MEGF10: variants seen among roughly 807,000 people sequenced by gnomAD.
MEGF10 encodes multiple EGF like domains 10, also known as multiple epidermal growth factor-like domains protein 10.
A neutral mutation model predicts 147.5 loss-of-function variants in MEGF10; 86 were observed. That is an observed-to-expected ratio of 0.58 (90% confidence interval 0.49 to 0.70). The LOEUF (loss-of-function observed/expected upper bound fraction) is 0.70. Among genes scored for constraint, MEGF10 ranks in the 30% least tolerant of loss-of-function variants. The probability of loss-of-function intolerance (pLI) is 0.00; values close to 1 mark genes in which losing one functional copy is unlikely to be tolerated. For missense variants in MEGF10, 1,329 were observed against 1,487.3 expected (o/e 0.89, Z 1.75); for synonymous variants, 478 against 525.5 (o/e 0.91, Z 1.24).
At chr5:127,425,877 A>G (rs1765193584) in intron 13 of MEGF10, among the ~76,000 whole-genome samples, 1 of 152,190 alleles carries the variant, frequency 6.6e-6, no homozygotes, top group South Asian at 2.1e-4. Flanking sequence ...GCTGTAGGTG[A>G]AATATTAAGT....
At chr5:127,326,312 G>T (rs1761030307) in intron 1 of MEGF10, among the ~76,000 whole-genome samples, 3 of 152,084 alleles carry the variant, frequency 2.0e-5, no homozygotes, top group Admixed American at 2.0e-4. Context: ...TATGCTTGTT[G>T]TGGGTTTGAT....
At chr5:127,410,163 A>C (rs976860992) in intron 8 of MEGF10, among the ~76,000 whole-genome samples, 3 of 152,000 alleles carry the variant, frequency 2.0e-5, no homozygotes, top group African/African-American at 7.3e-5. Flanking sequence ...TGCTGTTGTT[A>C]TTTGTTTTGT....
the MEGF10 span, among the ~76,000 whole-genome samples, chr5:127,246,985 AATATATAT>A: frequency 9.6e-6 from 1 of 104,180 alleles, no homozygotes; most frequent in Non-Finnish European, 1.8e-5. Flanking sequence ...GTATAAAAAG[AATATATAT>A]ATATATATAT....
Position 127,457,215 on chromosome 5 carries a change from T to A in MEGF10, c.3320T>A (p.Ile1107Asn), listed in dbSNP as rs983079760. The A allele has an allele frequency of 6.2e-7, 1 of 1,614,104 alleles. No individual in the cohort carries two copies. The highest frequency in any genetic ancestry group is 8.5e-7 in the Non-Finnish European group (1 of 1,180,004). ...DPYDLPKNSH[I>N]PCHYDLLPVR... Reference sequence around the variant, plus strand: ...TATGACCTCCCAAAGAACAGTCACATCCCTTGTCATTATGACCTGCTGCCA... The same window carrying A: ...TATGACCTCCCAAAGAACAGTCACAACCCTTGTCATTATGACCTGCTGCCA... The change falls in exon 25 of 25, where the codon ATC (isoleucine) becomes AAC (asparagine). Residue 1107 changes from isoleucine to asparagine, a missense_variant. This residue lies in a region of MEGF10 where 343 missense variants were observed against 377.9 expected (regional missense o/e 0.91). Transcript: ENST00000503335.
the MEGF10 span, among the ~76,000 whole-genome samples, chr5:127,245,914 C>T: frequency 6.6e-6 from 1 of 152,200 alleles, no homozygotes. Flanking sequence ...GATATCATCT[C>T]ACGCCAGTTA....
At chr5:127,331,206 T>C (rs1205777510) in intron 1 of MEGF10, 85 bp from the exon 2 acceptor site, 1 of 694,990 alleles carries the variant, frequency 1.4e-6, no homozygotes, top group Non-Finnish European at 2.5e-6. Flanking sequence ...CACTGACAAC[T>C]GGTACCTGGT....
chr5:127,385,469 C>T (rs568339718), intron 5 of MEGF10, among the ~76,000 whole-genome samples: 49 of 152,244 alleles, frequency 3.2e-4, no homozygotes, highest in African/African-American at 1.1e-3. Context: ...GATGGGGTTT[C>T]GCCATGTTGG....
chr5:127,436,259 A>T (rs1189721391), intron 16 of MEGF10, among the ~76,000 whole-genome samples: 1 of 152,188 alleles, frequency 6.6e-6, no homozygotes, highest in African/African-American at 2.4e-5. Flanking sequence ...TTTATTGATA[A>T]TTTAATTCAA....
rs567290001 is a variant in MEGF10 at position 127,433,286 on chromosome 5, T to A, written c.1694-77T>A. ...CTCAGGTTTAACACTGTGAGCTTAG[T>A]CCTCATCTATGAATTAGCATCTGCG... On this transcript the variant is annotated intron_variant, in intron 13 of 24. Coordinates refer to ENST00000503335, the MANE Select transcript of MEGF10 (RefSeq NM_001256545.2). The A allele has an allele frequency of 1.6e-5, 25 of 1,578,972 alleles. 1 individual carries two copies. The highest frequency in any genetic ancestry group is 3.7e-4 in the Middle Eastern group (2 of 5,474).
the MEGF10 span, among the ~76,000 whole-genome samples, chr5:127,252,900 A>G: frequency 1.3e-5 from 2 of 151,894 alleles, no homozygotes; most frequent in Non-Finnish European, 2.9e-5. Flanking sequence ...GCGCAAAGAC[A>G]TGAATTTTTT....
At chr5:127,235,128 G>A in the MEGF10 span, among the ~76,000 whole-genome samples, 1 of 152,318 alleles carries the variant, frequency 6.6e-6, no homozygotes, top group African/African-American at 2.4e-5. Flanking sequence ...TTACAGGTGT[G>A]AGCCACCGTG....
Position 127,417,799 on chromosome 5 carries a change from C to T in MEGF10, c.1292C>T (p.Ala431Val), listed in dbSNP as rs1057518319. 3.1e-6 allele frequency: 5 copies of T among 1,613,738 alleles called. No individual in the cohort carries two copies. The South Asian group carries it at 3.3e-5, about 11-fold the overall frequency. Residue 431 changes from alanine (A) to valine (V), a missense_variant, in exon 10 of 25, where the codon GCC becomes GTC. Coordinates refer to ENST00000503335, the MANE Select transcript of MEGF10 (RefSeq NM_001256545.2). ...CDSVTGKCTC[A>V]PGFKGIDCST... ...AGTGTGACTGGAAAGTGCACCTGTG[C>T]CCCAGGATTCAAAGTGAGTGACTAG...
chr5:127,432,339 T>TA (rs1765412936), intron 13 of MEGF10, among the ~76,000 whole-genome samples: 1 of 152,222 alleles, frequency 6.6e-6, no homozygotes, highest in African/African-American at 2.4e-5. Flanking sequence ...TTTGCCTGAT[T>TA]ACTTTAGAAG....
At chr5:127,436,277 A>G (rs1264948733) in intron 16 of MEGF10, among the ~76,000 whole-genome samples, 3 of 152,214 alleles carry the variant, frequency 2.0e-5, no homozygotes, top group Admixed American at 2.0e-4. Context: ...CAAACTTCAC[A>G]GTTACAAGCA....
intron 10 of MEGF10, among the ~76,000 whole-genome samples, chr5:127,418,674 G>A (rs1764868976): frequency 6.6e-6 from 1 of 152,146 alleles, no homozygotes; most frequent in Non-Finnish European, 1.5e-5. Flanking sequence ...TTCTGTTGTT[G>A]CTTTGCTTTA....
chr5:127,362,202 A>G (rs1012617586), intron 4 of MEGF10, among the ~76,000 whole-genome samples: 2 of 151,946 alleles, frequency 1.3e-5, no homozygotes, highest in Admixed American at 1.3e-4. Flanking sequence ...TTATTATTTC[A>G]TTATAATGAA....
intron 9 of MEGF10, among the ~76,000 whole-genome samples, chr5:127,417,007 A>G (rs1268575476): frequency 6.6e-6 from 1 of 152,224 alleles, no homozygotes; most frequent in Admixed American, 6.5e-5. Flanking sequence ...CAGGAGAACT[A>G]GTTTGATTGT....
chr5:127,388,695 G>A (rs1413783752), intron 5 of MEGF10, among the ~76,000 whole-genome samples: 2 of 151,784 alleles, frequency 1.3e-5, no homozygotes, highest in Admixed American at 6.6e-5. Flanking sequence ...ACAGGCACCC[G>A]CCACCATGCC....
At chr5:127,379,838 G>T (rs1165309181) in intron 5 of MEGF10, among the ~76,000 whole-genome samples, 1 of 151,946 alleles carries the variant, frequency 6.6e-6, no homozygotes, top group Non-Finnish European at 1.5e-5. Flanking sequence ...GACCTCAAGA[G>T]ATCTGCCCAC....
Sources: allele counts gnomAD v4.1 joint callset (sites outside exome capture counted in the v4.1 genomes callset), GRCh38; gene constraint gnomAD v4.1.1; regional missense constraint gnomAD v4.1.1; transcripts MANE v1.5; gene names NCBI Gene and HGNC (gene_info 2026-07-23, HGNC 2026-07-21).